Variants in SLC7A8 observed in about 807,000 individuals in gnomAD.
SLC7A8 encodes the protein solute carrier family 7 member 8.
In SLC7A8, 30 loss-of-function variants were observed where a neutral mutation model predicts 51.2. That is an observed-to-expected ratio of 0.59 (90% CI 0.44 to 0.80). The LOEUF is 0.80. Ranked by LOEUF, SLC7A8 falls within the 30% of genes least tolerant of loss-of-function variation. The probability of loss-of-function intolerance (pLI) is 0.00; values close to 1 mark genes in which losing one functional copy is unlikely to be tolerated. For synonymous variants in SLC7A8, 257 were observed against 275.8 expected (o/e 0.93, Z 0.67); for missense variants, 612 against 674.4 (o/e 0.91, Z 1.03).
At chr14:23,163,604 C>T (rs1213070101) in intron 3 of SLC7A8, among the ~76,000 whole-genome samples, 1 of 152,106 alleles carries the variant, frequency 6.6e-6, no homozygotes, top group Non-Finnish European at 1.5e-5. Flanking sequence ...TGATCTCTTC[C>T]TCCCCCATCC....
At chr14:23,167,787 G>A (rs1436082185) in intron 1 of SLC7A8, among the ~76,000 whole-genome samples, 1 of 152,124 alleles carries the variant, frequency 6.6e-6, no homozygotes, top group African/African-American at 2.4e-5. Context: ...GTATCCTGAG[G>A]TCAGCTGGAT....
At position 23,155,159 on chromosome 14, in the gene SLC7A8, C is replaced by T. The variant is rs1052673331; in HGVS notation, c.508+10126G>A. On this transcript the variant is annotated intron_variant, in intron 3 of 10. Coordinates refer to ENST00000316902, the MANE Select transcript of SLC7A8 (RefSeq NM_012244.4). ...TTCTCCAGCCCTTTTCATCTCGAAG[C>T]ACTTACAACGTTTTAGAAATCTCGG... 3 of 1,535,726 alleles carry T rather than the reference C, an allele frequency of 2.0e-6. No individual in the cohort carries two copies. In the African/African-American group the frequency reaches 4.1e-5, roughly 21 times the overall value.
chr14:23,167,470 C>T (rs558001170), intron 1 of SLC7A8, among the ~76,000 whole-genome samples: 1 of 152,170 alleles, frequency 6.6e-6, no homozygotes, highest in South Asian at 2.1e-4. Flanking sequence ...GGCAATCTTT[C>T]CACTAATCCA....
In SLC7A8 at chr14:23,128,624, C is replaced by A. The variant is rs145665009; in HGVS notation, c.1264-428G>T. On this transcript the variant is annotated intron_variant, in intron 9 of 10. Transcript: ENST00000316902. This position sits in a 1 kb window ranked among gnomAD's most constrained non-coding sequence, Gnocchi z 4.3. The stretch of plus-strand genomic sequence containing the variant: ...CACAAGGTGCAGGCAGGAGACGATT[C>A]GAGTCACTCAGGCTCCCTGGTCCTT... 2.1e-4 allele frequency among the ~76,000 whole-genome samples: 32 copies of A among 152,284 alleles called. No individual in the cohort carries two copies. In the South Asian group the frequency reaches 6.6e-3, roughly 32 times the overall value.
At chr14:23,178,927 T>G (rs966154539) in intron 1 of SLC7A8, among the ~76,000 whole-genome samples, 1 of 145,532 alleles carries the variant, frequency 6.9e-6, no homozygotes, top group African/African-American at 2.6e-5. Context: ...GAGGTCTTGC[T>G]CTGTTGCCTA....
At chr14:23,162,454 G>C (rs528246338) in intron 3 of SLC7A8, among the ~76,000 whole-genome samples, 9 of 152,348 alleles carry the variant, frequency 5.9e-5, no homozygotes, top group African/African-American at 2.2e-4. Flanking sequence ...TGTTAAGTTG[G>C]AGATAATTTC....
At chr14:23,139,397 T>C (rs774776518) in intron 6 of SLC7A8, 27 bp downstream of exon 6, 2 of 1,613,588 alleles carry the variant, frequency 1.2e-6, no homozygotes, top group Admixed American at 3.3e-5. Context: ...ATTCCTGGTA[T>C]GAGACTCTGG....
At position 23,152,943 on chromosome 14, in the gene SLC7A8, TG is replaced by T. The variant is rs574048760; in HGVS notation, c.509-9740del. Among the ~76,000 whole-genome samples, 12 of 152,306 alleles carry T rather than the reference TG, an allele frequency of 7.9e-5. 1 individual carries two copies. The South Asian group carries it at 2.5e-3, about 32-fold the overall frequency. ...GGGCCACCTGGATACGGGGCTGGAT[TG>T]GTTGTTATAAGGACAGTGCTAAGAA... is the stretch of plus-strand genomic sequence containing the variant. On this transcript the variant is annotated intron_variant, in intron 3 of 10. Coordinates refer to ENST00000316902, the MANE Select transcript of SLC7A8 (RefSeq NM_012244.4).
At chr14:23,155,167 A>G in intron 3 of SLC7A8, 1 of 1,535,800 alleles carries the variant, frequency 6.5e-7, no homozygotes, top group Non-Finnish European at 8.7e-7. Context: ...AGCACTTACA[A>G]CGTTTTAGAA....
At chr14:23,141,166 G>A (rs1449750456) in intron 4 of SLC7A8, among the ~76,000 whole-genome samples, 1 of 152,202 alleles carries the variant, frequency 6.6e-6, no homozygotes, top group East Asian at 1.9e-4. Flanking sequence ...ATGCCTATAG[G>A]CTCACCTATT....
chr14:23,131,411 G>C (rs1270454474), intron 8 of SLC7A8, 50 bp downstream of exon 8: 2 of 1,442,064 alleles, frequency 1.4e-6, no homozygotes, highest in South Asian at 2.7e-5. Flanking sequence ...CTTAGACTAG[G>C]CACAAAGAGA....
At position 23,127,073 on chromosome 14, in the gene SLC7A8, G is replaced by T; in HGVS notation, c.*104C>A. ...AAAGTCCTACCACTGCCTGACAAAAGCAGAGAGAGGGGTGTGTGTGTACTC... is the reference window on the plus strand; with the variant it reads ...AAAGTCCTACCACTGCCTGACAAAATCAGAGAGAGGGGTGTGTGTGTACTC... On this transcript the variant is annotated 3_prime_UTR_variant, in exon 11 of 11. Transcript: ENST00000316902. The T allele has an allele frequency of 7.1e-7, 1 of 1,400,422 alleles. No individual in the cohort carries two copies. Among genetic ancestry groups the T allele is most frequent in the Non-Finnish European group, 9.9e-7 (1 of 1,011,260 alleles). The allele number at this position is 1,400,422 out of a possible 1,614,324, so 86.7% of individuals were successfully genotyped here.
Position 23,129,779 on chromosome 14 carries a change from C to T in SLC7A8, c.1134G>A (p.Met378Ile). ...LLFTCISTLL[M>I]LVTSDMYTLI... ...GTGTGTACATGTCGCTGGTGACCAG[C>T]ATCAGCAGGGTGGAGATGCACTGGG... is the stretch of plus-strand genomic sequence containing the variant. The change falls in exon 9 of 11, where the codon ATG becomes ATA. Residue 378 changes from methionine (M) to isoleucine (I), a missense_variant. By Grantham distance (10) the Met-to-Ile change is conservative. Coordinates refer to ENST00000316902, the MANE Select transcript of SLC7A8 (RefSeq NM_012244.4). 1 of 1,614,134 alleles carries T rather than the reference C, an allele frequency of 6.2e-7. No homozygotes were observed. Among genetic ancestry groups the T allele is most frequent in the Non-Finnish European group, 8.5e-7 (1 of 1,180,002 alleles).
At chr14:23,137,368 G>A (rs958455332) in intron 7 of SLC7A8, among the ~76,000 whole-genome samples, 9 of 152,084 alleles carry the variant, frequency 5.9e-5, no homozygotes, top group African/African-American at 2.2e-4. Flanking sequence ...CCTCAAAAAG[G>A]CCTCTACAGC....
intron 3 of SLC7A8, among the ~76,000 whole-genome samples, chr14:23,164,435 G>A (rs1306592290): frequency 6.6e-6 from 1 of 152,190 alleles, no homozygotes; most frequent in African/African-American, 2.4e-5. Flanking sequence ...CAAGTCATTT[G>A]CCTGGCTCTC....
At chr14:23,152,120 G>T (rs1384161536) in intron 3 of SLC7A8, among the ~76,000 whole-genome samples, 1 of 152,084 alleles carries the variant, frequency 6.6e-6, no homozygotes, top group East Asian at 1.9e-4. Flanking sequence ...CCCAGAGAGA[G>T]ACTACTTGAT....
chr14:23,180,044 T>C (rs1187446229), intron 1 of SLC7A8, among the ~76,000 whole-genome samples: 2 of 151,764 alleles, frequency 1.3e-5, no homozygotes, highest in African/African-American at 2.4e-5. Flanking sequence ...TAGCTGGGAC[T>C]ACAGGCATGC....
chr14:23,152,491 C>T (rs1003167156), intron 3 of SLC7A8, among the ~76,000 whole-genome samples: 27 of 151,764 alleles, frequency 1.8e-4, no homozygotes, highest in Admixed American at 1.5e-3. Flanking sequence ...ATGATGATGG[C>T]TCACTGCAGT....
intron 3 of SLC7A8, among the ~76,000 whole-genome samples, chr14:23,150,557 A>G (rs1023962614): frequency 2.0e-5 from 3 of 152,154 alleles, no homozygotes; most frequent in Admixed American, 2.0e-4. Context: ...AACCTCTCTG[A>G]GCCTCCCTTT....
Sources: gnomAD v4.1 joint callset for allele counts (sites outside exome capture counted in the v4.1 genomes callset) on GRCh38, gnomAD v4.1.1 for gene constraint, Gnocchi (gnomAD v3.1) non-coding constraint, MANE v1.5 for transcripts, NCBI Gene and HGNC (gene_info 2026-07-23, HGNC 2026-07-21) for gene names.